The following SLC10A7 variants were observed in gnomAD, a reference collection of about 807,000 sequenced individuals.
The protein encoded by SLC10A7 is sodium/bile acid cotransporter 7.
A neutral mutation model predicts 43.2 loss-of-function variants in SLC10A7; 29 were observed. The observed-to-expected ratio is 0.67, with a 90% CI of 0.50 to 0.92. SLC10A7 has a LOEUF of 0.92. SLC10A7 is among the 40% of genes least tolerant of loss of function. SLC10A7 has a pLI of 0.00. For missense variants in SLC10A7, 295 were observed against 403.2 expected, an observed-to-expected ratio of 0.73 and a Z score of 2.30; for synonymous variants, 152 against 144.8, an observed-to-expected ratio of 1.05 and a Z score of -0.35.
At chr4:146,452,703 G>GA (rs1437077629) in intron 4 of SLC10A7, among the ~76,000 whole-genome samples, 1 of 151,824 alleles carries the variant, frequency 6.6e-6, no homozygotes, top group Non-Finnish European at 1.5e-5. Flanking sequence ...ACATACCACA[G>GA]AAAAGTAAAC....
At chr4:146,397,186 C>G (rs1477899281) in intron 5 of SLC10A7, among the ~76,000 whole-genome samples, 2 of 152,036 alleles carry the variant, frequency 1.3e-5, no homozygotes, top group Non-Finnish European at 2.9e-5. Flanking sequence ...ATTTTACTCT[C>G]CCCAAACATT....
At chr4:146,405,555 A>C (rs1727608545) in intron 5 of SLC10A7, among the ~76,000 whole-genome samples, 1 of 152,176 alleles carries the variant, frequency 6.6e-6, no homozygotes, top group African/African-American at 2.4e-5. Context: ...AAAATTATTT[A>C]AACACACACA....
intron 4 of SLC10A7, among the ~76,000 whole-genome samples, chr4:146,486,752 G>T (rs1041709114): frequency 6.6e-6 from 1 of 152,196 alleles, no homozygotes; most frequent in African/African-American, 2.4e-5. Context: ...ATCCTACAAG[G>T]AATAGGAGTT....
At chr4:146,453,882 TTCACAATA>T (rs1404932521) in intron 4 of SLC10A7, among the ~76,000 whole-genome samples, 1 of 151,926 alleles carries the variant, frequency 6.6e-6, no homozygotes, top group East Asian at 1.9e-4. Flanking sequence ...AATCTACATT[TTCACAATA>T]TGCATGGGGC....
intron 11 of SLC10A7, 100 bp from the exon 12 acceptor site, chr4:146,256,620 A>G (rs1727900899): frequency 5.4e-6 from 7 of 1,306,558 alleles, no homozygotes; most frequent in Non-Finnish European, 6.6e-6. Flanking sequence ...AAGGAAGAAG[A>G]GGCCCACCCA....
At chr4:146,314,016 C>T (rs1732158244) in intron 6 of SLC10A7, among the ~76,000 whole-genome samples, 1 of 152,038 alleles carries the variant, frequency 6.6e-6, no homozygotes, top group African/African-American at 2.4e-5. Flanking sequence ...ACTGTGTCTC[C>T]CAAGAGGCAT....
intron 5 of SLC10A7, among the ~76,000 whole-genome samples, chr4:146,394,917 T>G (rs538323801): frequency 3.3e-5 from 5 of 152,326 alleles, no homozygotes; most frequent in African/African-American, 1.2e-4. Context: ...ATACATGACC[T>G]TTGTTCAGCT....
At chr4:146,319,260 T>C (rs993663751) in intron 6 of SLC10A7, among the ~76,000 whole-genome samples, 3 of 152,100 alleles carry the variant, frequency 2.0e-5, no homozygotes, top group Non-Finnish European at 4.4e-5. Flanking sequence ...CCTTGGTGTT[T>C]CTTAAGGACA....
intron 6 of SLC10A7, among the ~76,000 whole-genome samples, chr4:146,317,939 C>A (rs931682636): frequency 6.6e-6 from 1 of 152,044 alleles, no homozygotes; most frequent in African/African-American, 2.4e-5. Flanking sequence ...AGTGGGACTT[C>A]TAGGCTCCAT....
At chr4:146,351,766 T>C (rs1474864189) in intron 5 of SLC10A7, among the ~76,000 whole-genome samples, 3 of 139,784 alleles carry the variant, frequency 2.1e-5, no homozygotes, top group African/African-American at 2.8e-5. Context: ...CAACCCAGAA[T>C]TTCATATCCA....
At chr4:146,482,979 A>G (rs893018653) in intron 4 of SLC10A7, among the ~76,000 whole-genome samples, 1 of 152,142 alleles carries the variant, frequency 6.6e-6, no homozygotes, top group Non-Finnish European at 1.5e-5. Context: ...AACCAAGAAT[A>G]CTATATCCCC....
intron 10 of SLC10A7, among the ~76,000 whole-genome samples, chr4:146,279,246 C>A (rs867472107): frequency 2.6e-5 from 4 of 152,144 alleles, no homozygotes; most frequent in Admixed American, 2.6e-4. Flanking sequence ...AACTTAAGGA[C>A]CTCAAATGTC....
intron 5 of SLC10A7, among the ~76,000 whole-genome samples, chr4:146,381,137 G>T (rs572263547): frequency 6.6e-6 from 1 of 152,236 alleles, no homozygotes; most frequent in South Asian, 2.1e-4. Context: ...GCCTCAGAAG[G>T]GGCCCATGCA....
intron 10 of SLC10A7, among the ~76,000 whole-genome samples, chr4:146,281,581 GCCTCTGGACTCACTAACTTTATAAAAGTC>G: frequency 6.6e-6 from 1 of 152,096 alleles, no homozygotes; most frequent in African/African-American, 2.4e-5. Context: ...GGCAGCATCT[GCCTCTGGACTCACTAACTTTATAAAAGTC>G]CCTCTGGTTT....
chr4:146,486,446 C>A (rs1484256216), intron 4 of SLC10A7, among the ~76,000 whole-genome samples: 1 of 152,130 alleles, frequency 6.6e-6, no homozygotes, highest in African/African-American at 2.4e-5. Flanking sequence ...ATGACCTAGT[C>A]AATAGTGTGA....
At chr4:146,442,428 G>C (rs1238748363) in intron 5 of SLC10A7, 2 of 1,024,160 alleles carry the variant, frequency 2.0e-6, no homozygotes, top group African/African-American at 1.7e-5. Context: ...GCTGGGTCAT[G>C]TTTCCTTTTC....
chr4:146,297,919 C>T (rs1285528308), intron 7 of SLC10A7, among the ~76,000 whole-genome samples: 2 of 152,168 alleles, frequency 1.3e-5, no homozygotes, highest in African/African-American at 2.4e-5. Context: ...AAAGGTCACA[C>T]ATTATTATTC....
chr4:146,329,881 C>A (rs1733414985), intron 5 of SLC10A7, among the ~76,000 whole-genome samples: 1 of 152,304 alleles, frequency 6.6e-6, no homozygotes, highest in Admixed American at 6.5e-5. Flanking sequence ...TTAATTATTT[C>A]TCTTTTCTCT....
chr4:146,503,140 C>G (rs549407956), intron 4 of SLC10A7, among the ~76,000 whole-genome samples: 1 of 152,242 alleles, frequency 6.6e-6, no homozygotes, highest in African/African-American at 2.4e-5. Flanking sequence ...AAAGCAGAAT[C>G]CTAAGAATGA....
Sources: gnomAD v4.1 joint callset for allele counts (sites outside exome capture counted in the v4.1 genomes callset) on GRCh38, gnomAD v4.1.1 for gene constraint, MANE v1.5 for transcripts, NCBI Gene and HGNC (gene_info 2026-07-23, HGNC 2026-07-21) for gene names.